Variants in ARIH1 observed in about 807,000 individuals in gnomAD.
ARIH1 encodes E3 ubiquitin-protein ligase ARIH1.
A neutral mutation model predicts 85.0 loss-of-function variants in ARIH1; 8 were observed. The observed-to-expected ratio is 0.09, with a 90% confidence interval of 0.06 to 0.17. ARIH1 has a LOEUF of 0.17. Ranked by LOEUF, ARIH1 falls within the 10% of genes least tolerant of loss-of-function variation. ARIH1 has a pLI of 1.00. For synonymous variants in ARIH1, 238 were observed against 253.6 expected (o/e 0.94, Z 0.59); for missense variants, 311 against 718.1 (o/e 0.43, Z 6.48).
intron 3 of ARIH1, 118 bp downstream of exon 3, chr15:72,545,082 A>C: frequency 8.0e-6 from 7 of 878,588 alleles, no homozygotes; most frequent in Non-Finnish European, 1.1e-5. Flanking sequence ...CTAAGCCATA[A>C]CCTATCAATG....
intron 11 of ARIH1, among the ~76,000 whole-genome samples, chr15:72,573,588 T>C (rs142458511): frequency 1.2e-3 from 182 of 152,146 alleles, no homozygotes; most frequent in African/African-American, 4.3e-3. Flanking sequence ...GACTGGGAAA[T>C]TATATTTTGT....
chr15:72,568,818 A>C (rs1304704224), intron 9 of ARIH1, among the ~76,000 whole-genome samples: 1 of 152,222 alleles, frequency 6.6e-6, no homozygotes. Context: ...TATAATTAAA[A>C]AGTTGCTATA....
intron 2 of ARIH1, among the ~76,000 whole-genome samples, chr15:72,523,765 T>A (rs1251890625): frequency 6.6e-6 from 1 of 151,936 alleles, no homozygotes; most frequent in African/African-American, 2.4e-5. Flanking sequence ...CTGTAGCTTC[T>A]GCATATGTTT....
At chr15:72,567,209 T>C (rs1317224102) in intron 9 of ARIH1, 32 bp downstream of exon 9, 1 of 1,555,740 alleles carries the variant, frequency 6.4e-7, no homozygotes, top group Non-Finnish European at 8.8e-7. Flanking sequence ...CTCTTGGTAA[T>C]AAAAATGATA....
chr15:72,537,898 A>G (rs1306362001), intron 2 of ARIH1, among the ~76,000 whole-genome samples: 1 of 152,250 alleles, frequency 6.6e-6, no homozygotes, highest in African/African-American at 2.4e-5. Flanking sequence ...TTATGTGTAT[A>G]TACATTTTCA....
intron 1 of ARIH1, 121 bp downstream of exon 1, chr15:72,475,135 C>T: frequency 7.0e-7 from 1 of 1,437,660 alleles, no homozygotes; most frequent in South Asian, 1.4e-5. Context: ...GCCTCCCGGC[C>T]TTGTCTTCTC....
intron 6 of ARIH1, 143 bp from the exon 7 acceptor site, chr15:72,563,251 G>T (rs904962643): frequency 6.3e-6 from 4 of 630,098 alleles, no homozygotes; most frequent in African/African-American, 3.7e-5. Flanking sequence ...TAGAGACAAG[G>T]TCTTGCTATG....
At chr15:72,561,677 T>G (rs1226229998) in intron 6 of ARIH1, 128 bp downstream of exon 6, 3 of 615,992 alleles carry the variant, frequency 4.9e-6, no homozygotes, top group Non-Finnish European at 8.0e-6. Context: ...CCAAAATACC[T>G]TTATTCTCAA....
At chr15:72,495,643 G>A (rs1318524651) in intron 1 of ARIH1, among the ~76,000 whole-genome samples, 1 of 151,994 alleles carries the variant, frequency 6.6e-6, no homozygotes, top group Non-Finnish European at 1.5e-5. Context: ...TATTTTAGTT[G>A]CATGCAAAAT....
chr15:72,561,449 A>G (rs1312402552), intron 5 of ARIH1, 34 bp from the exon 6 acceptor site: 1 of 1,462,980 alleles, frequency 6.8e-7, no homozygotes, highest in Non-Finnish European at 9.5e-7. Flanking sequence ...TCTTGACTGG[A>G]AACTTTCTAA....
chr15:72,564,476 G>A (rs893351471), intron 7 of ARIH1, among the ~76,000 whole-genome samples: 5 of 152,124 alleles, frequency 3.3e-5, no homozygotes, highest in African/African-American at 1.2e-4. Flanking sequence ...ATCCTCACCA[G>A]AATTACCCTT....
chr15:72,486,345 C>G (rs573679290), intron 1 of ARIH1, among the ~76,000 whole-genome samples: 1 of 152,276 alleles, frequency 6.6e-6, no homozygotes, highest in Non-Finnish European at 1.5e-5. Context: ...TGAATCATCC[C>G]TTTATCCAGT....
At chr15:72,547,973 C>A (rs932523230) in intron 3 of ARIH1, among the ~76,000 whole-genome samples, 1 of 152,174 alleles carries the variant, frequency 6.6e-6, no homozygotes, top group Non-Finnish European at 1.5e-5. Flanking sequence ...TTGAGATTTA[C>A]AGTGTAAATT....
At position 72,600,714 on chromosome 15, in the gene ARIH1, A is replaced by C. The variant is rs986927978; in HGVS notation, c.*17422A>C. On this transcript the variant is annotated 3_prime_UTR_variant, in exon 14 of 14. Coordinates refer to ENST00000379887, the MANE Select transcript of ARIH1 (RefSeq NM_005744.5). The stretch of plus-strand genomic sequence containing the variant: ...GTTTTTTTAAAAAGAGATTGTTCTA[A>C]TTATGTATATAATTAAAGTACATTA... 2 of 152,192 alleles carry C rather than the reference A, an allele frequency of 1.3e-5. No homozygotes were observed. The highest frequency in any genetic ancestry group is 1.3e-4 in the Admixed American group (2 of 15,280). The allele number at this position is 152,192 out of a possible 1,614,324, so 9.4% of individuals were successfully genotyped here. A position where few individuals can be genotyped will look rare whatever the true frequency, so the allele number is the denominator to read the frequency against.
At chr15:72,535,636 T>C (rs1489508218) in intron 2 of ARIH1, among the ~76,000 whole-genome samples, 1 of 152,226 alleles carries the variant, frequency 6.6e-6, no homozygotes, top group African/African-American at 2.4e-5. Context: ...ACAATTTCTT[T>C]TTATATACTT....
At chr15:72,581,019 G>T in intron 12 of ARIH1, 28 bp downstream of exon 12, 1 of 1,600,056 alleles carries the variant, frequency 6.2e-7, no homozygotes, top group Non-Finnish European at 8.5e-7. Flanking sequence ...TGAGGAAAAA[G>T]CCCACCTTGT....
chr15:72,485,467 A>AG (rs1439526200), intron 1 of ARIH1, among the ~76,000 whole-genome samples: 5 of 152,116 alleles, frequency 3.3e-5, no homozygotes, highest in Non-Finnish European at 5.9e-5. Context: ...CTGCTTAACT[A>AG]CAAATAAATA....
rs572758246 is a variant in ARIH1, at chr15:72,479,104, A to T, written c.375+4090A>T. On this transcript the variant is annotated intron_variant, in intron 1 of 13. Coordinates refer to ENST00000379887, the MANE Select transcript of ARIH1 (RefSeq NM_005744.5). ...GCTCCTTGAACCTCAGCCTCTCAAA[A>T]TGGTAGGCCTGGAAATCCAAAACTT... 1.4e-4 allele frequency among the ~76,000 whole-genome samples: 21 copies of T among 152,202 alleles called. No individual in the cohort carries two copies. The East Asian group carries it at 3.9e-3, about 28-fold the overall frequency.
chr15:72,486,710 T>TG (rs2063838989), intron 1 of ARIH1, among the ~76,000 whole-genome samples: 1 of 146,174 alleles, frequency 6.8e-6, no homozygotes, highest in East Asian at 2.0e-4. Context: ...TTTTTTTTTT[T>TG]TTTTTGAGAC....
Sources: gnomAD v4.1 joint callset for allele counts (sites outside exome capture counted in the v4.1 genomes callset) on GRCh38, gnomAD v4.1.1 for gene constraint, MANE v1.5 for transcripts, NCBI Gene and HGNC (gene_info 2026-07-23, HGNC 2026-07-21) for gene names.